HMCES: variants seen among roughly 807,000 people sequenced by gnomAD.
HMCES encodes 5-hydroxymethylcytosine binding, ES cell specific.
Under a neutral mutation model 35.1 loss-of-function variants are expected in HMCES, and 27 were observed. The observed-to-expected ratio is 0.77, with a 90% CI of 0.57 to 1.06. HMCES has a LOEUF of 1.06. HMCES is among the 50% of genes least tolerant of loss of function. The pLI, the probability that HMCES is intolerant of heterozygous loss-of-function variation, is 0.00. For synonymous variants in HMCES, 130 were observed against 154.7 expected (o/e 0.84, Z 1.18); for missense variants, 391 against 430.4 (o/e 0.91, Z 0.81).
intron 5 of HMCES, among the ~76,000 whole-genome samples, chr3:129,299,556 C>T (rs1056770077): frequency 1.3e-4 from 19 of 151,904 alleles, no homozygotes; most frequent in Admixed American, 3.9e-4. Context: ...CTAACCACTA[C>T]TAGCACTAAA....
rs996713974 is a variant in HMCES at position 129,279,981 on chromosome 3, G to A, written c.183+66G>A. 7 of 1,378,216 alleles carry A rather than the reference G, an allele frequency of 5.1e-6. No individual in the cohort carries two copies. Among genetic ancestry groups the A allele is most frequent in the Non-Finnish European group, 5.8e-6 (6 of 1,026,852 alleles). 85.4% of individuals were successfully genotyped at this position (1,378,216 alleles called of 1,614,324 possible). A position where few individuals can be genotyped will look rare whatever the true frequency, so the allele number is the denominator to read the frequency against. On this transcript the variant is annotated intron_variant, in intron 2 of 6. Transcript: ENST00000383463. This position sits in a 1 kb window ranked among gnomAD's most constrained non-coding sequence, Gnocchi z 4.2. Reference sequence around the variant, plus strand: ...GTGATGGTCATCTCCTATTTGGTTTGGTGTGTGCTCAGCCTCTTGGGATGA... The same window carrying A: ...GTGATGGTCATCTCCTATTTGGTTTAGTGTGTGCTCAGCCTCTTGGGATGA...
Position 129,304,667 on chromosome 3 carries a change from A to G in HMCES, c.907A>G (p.Thr303Ala). The G allele has an allele frequency of 6.2e-7, 1 of 1,614,178 alleles. No homozygotes were observed. Among genetic ancestry groups the G allele is most frequent in the Non-Finnish European group, 8.5e-7 (1 of 1,180,036 alleles). Reference sequence around the variant, plus strand: ...GTCACCCAAAAAGGAAGACTCAAAAACACCTCAAAAGGAAGAGTCAGATGT... The same window carrying G: ...GTCACCCAAAAAGGAAGACTCAAAAGCACCTCAAAAGGAAGAGTCAGATGT... ...TKSPKKEDSK[T>A]PQKEESDVPQ... The change falls in exon 7 of 7, where the codon ACA becomes GCA. Residue 303 changes from threonine (T) to alanine (A), a missense_variant. Thr to Ala is a moderately conservative substitution (Grantham distance 58). Transcript: ENST00000383463.
intron 3 of HMCES, among the ~76,000 whole-genome samples, chr3:129,290,221 C>T (rs527402241): frequency 5.5e-4 from 83 of 150,186 alleles, no homozygotes; most frequent in Non-Finnish European, 1.0e-3. Flanking sequence ...AAGAGAGGTA[C>T]AGAGAAATTA....
chr3:129,279,699 G>A lies in HMCES; in HGVS notation c.-23-11G>A. The A allele has an allele frequency of 6.2e-7, 1 of 1,608,666 alleles. No homozygotes were observed. The highest frequency in any genetic ancestry group is 8.5e-7 in the Non-Finnish European group (1 of 1,177,866). ...TACGTAAGCCTTTTCCTTACGTTTT[G>A]TAATTTAAAGGTTGCGAGGGGCGGT... On this transcript the variant is annotated splice_polypyrimidine_tract_variant and intron_variant, in intron 1 of 6. Coordinates refer to ENST00000383463, the MANE Select transcript of HMCES (RefSeq NM_020187.3). This position sits in a 1 kb window ranked among gnomAD's most constrained non-coding sequence, Gnocchi z 4.2.
chr3:129,284,164 A>G (rs1940569492), intron 2 of HMCES, among the ~76,000 whole-genome samples: 1 of 152,230 alleles, frequency 6.6e-6, no homozygotes, highest in Non-Finnish European at 1.5e-5. Context: ...ATCGAGGCAG[A>G]GCTCTGCCTT....
At chr3:129,283,334 CTT>C (rs200342278) in intron 2 of HMCES, among the ~76,000 whole-genome samples, 41 of 138,960 alleles carry the variant, frequency 3.0e-4, no homozygotes, top group Non-Finnish European at 4.2e-4. Flanking sequence ...GCTTGGAAGA[CTT>C]TTTTTTTTTT....
At chr3:129,288,720 A>T in intron 2 of HMCES, 134 bp from the exon 3 acceptor site, 1 of 764,102 alleles carries the variant, frequency 1.3e-6, no homozygotes, top group Non-Finnish European at 1.8e-6. Flanking sequence ...AATTGTTTTC[A>T]AGTAGATTCC....
chr3:129,282,440 G>A (rs76344261), intron 2 of HMCES, among the ~76,000 whole-genome samples: 6,470 of 152,250 alleles, frequency 0.042, 354 homozygotes, highest in African/African-American at 0.12. Flanking sequence ...ATCAGTGAGG[G>A]ACAGAACTAG....
At chr3:129,282,787 C>T (rs1188288686) in intron 2 of HMCES, among the ~76,000 whole-genome samples, 1 of 152,170 alleles carries the variant, frequency 6.6e-6, no homozygotes, top group South Asian at 2.1e-4. Context: ...CTTCCTGTTT[C>T]ATTTATCCAC....
In HMCES at chr3:129,290,738, G is replaced by C; in HGVS notation, c.387G>C (p.Gln129His). The C allele has an allele frequency of 1.2e-6, 2 of 1,613,598 alleles. No homozygotes were observed. The highest frequency in any genetic ancestry group is 1.7e-6 in the Non-Finnish European group (2 of 1,179,564). ...VVLADGFYEW[Q>H]RCQGTNQRQP... ...TAGCAGATGGATTCTATGAGTGGCA[G>C]CGATGTCAGGGAACAAACCAGAGGC... is the stretch of plus-strand genomic sequence containing the variant. The change falls in exon 4 of 7, where the codon CAG (glutamine) becomes CAC (histidine). Residue 129 changes from glutamine to histidine, a missense_variant. Gln to His is a conservative substitution (Grantham distance 24). Coordinates refer to ENST00000383463, the MANE Select transcript of HMCES (RefSeq NM_020187.3).
intron 2 of HMCES, among the ~76,000 whole-genome samples, chr3:129,282,251 G>C (rs942894522): frequency 1.4e-5 from 2 of 147,080 alleles, no homozygotes; most frequent in Non-Finnish European, 2.9e-5. Context: ...CTTCAGGCCA[G>C]GATTTCAGGA....
intron 4 of HMCES, among the ~76,000 whole-genome samples, chr3:129,296,490 C>G (rs979550353): frequency 6.6e-6 from 1 of 152,112 alleles, no homozygotes; most frequent in Non-Finnish European, 1.5e-5. Flanking sequence ...TTACTTACTT[C>G]AAGTTCTCTG....
At chr3:129,290,837 G>A (rs1306019232) in intron 4 of HMCES, 33 bp downstream of exon 4, 4 of 1,591,466 alleles carry the variant, frequency 2.5e-6, no homozygotes, top group African/African-American at 1.3e-5. Flanking sequence ...TATATATTTG[G>A]AAAGGCACAG....
At position 129,280,665 on chromosome 3, in the gene HMCES, A is replaced by G. The variant is rs535524963; in HGVS notation, c.183+750A>G. 1.9e-4 allele frequency among the ~76,000 whole-genome samples: 29 copies of G among 152,122 alleles called. No individual in the cohort carries two copies. In the East Asian group the frequency reaches 3.1e-3, roughly 16 times the overall value. On this transcript the variant is annotated intron_variant, in intron 2 of 6. Coordinates refer to ENST00000383463, the MANE Select transcript of HMCES (RefSeq NM_020187.3). The stretch of plus-strand genomic sequence containing the variant: ...TTTATTCTTTCTGCTTGTGTTTTCA[A>G]TCTTTTTGTGTTTGTCTTTTACTAA...
intron 4 of HMCES, among the ~76,000 whole-genome samples, chr3:129,297,541 C>G (rs547919859): frequency 1.3e-5 from 2 of 152,228 alleles, no homozygotes; most frequent in East Asian, 3.9e-4. Flanking sequence ...CCGTCTTTTT[C>G]GAGCACTGGC....
chr3:129,304,976 G>GCCTA lies in HMCES; in HGVS notation c.*151_*152insCCTA. The GCCTA allele has an allele frequency of 1.5e-6, 1 of 650,244 alleles. No homozygotes were observed. The highest frequency in any genetic ancestry group is 2.6e-6 in the Non-Finnish European group (1 of 379,030). The allele number at this position is 650,244 out of a possible 1,614,324, so 40.3% of individuals were successfully genotyped here. On this transcript the variant is annotated 3_prime_UTR_variant, in exon 7 of 7. Transcript: ENST00000383463. ...GCTCATGTAGTCTTTTTTGCCATGA[G>GCCTA]TAGGAGCCCCTAGTGGGGCTGGTGG...
Position 129,279,995 on chromosome 3 carries a change from C to T in HMCES, c.183+80C>T. 2 of 1,252,088 alleles carry T rather than the reference C, an allele frequency of 1.6e-6. No homozygotes were observed. Among genetic ancestry groups the T allele is most frequent in the Non-Finnish European group, 2.2e-6 (2 of 921,808 alleles). The allele number at this position is 1,252,088 out of a possible 1,614,324, so 77.6% of individuals were successfully genotyped here. A position where few individuals can be genotyped will look rare whatever the true frequency, so the allele number is the denominator to read the frequency against. ...CTATTTGGTTTGGTGTGTGCTCAGC[C>T]TCTTGGGATGACATTAAAAACCAGC... is the stretch of plus-strand genomic sequence containing the variant. On this transcript the variant is annotated intron_variant, in intron 2 of 6. Transcript: ENST00000383463. This position sits in a 1 kb window ranked among gnomAD's most constrained non-coding sequence, Gnocchi z 4.2.
At chr3:129,291,128 C>T (rs566140170) in intron 4 of HMCES, among the ~76,000 whole-genome samples, 10 of 151,882 alleles carry the variant, frequency 6.6e-5, no homozygotes, top group African/African-American at 2.4e-4. Context: ...CTTGAACCCA[C>T]GAGATAGAGG....
intron 2 of HMCES, among the ~76,000 whole-genome samples, chr3:129,282,769 G>A (rs934520508): frequency 1.3e-5 from 2 of 152,126 alleles, no homozygotes; most frequent in Non-Finnish European, 2.9e-5. Flanking sequence ...CCACAGATTT[G>A]CAAATTACTT....
Sources: allele counts gnomAD v4.1 joint callset (sites outside exome capture counted in the v4.1 genomes callset), GRCh38; gene constraint gnomAD v4.1.1; non-coding constraint Gnocchi (gnomAD v3.1); transcripts MANE v1.5; gene names NCBI Gene and HGNC (gene_info 2026-07-23, HGNC 2026-07-21).